Variants in CERS6 observed in about 807,000 individuals in gnomAD.
CERS6 encodes LAG1 homolog, ceramide synthase 6.
Under a neutral mutation model 56.8 loss-of-function variants are expected in CERS6, and 26 were observed. The observed-to-expected ratio is 0.46, with a 90% CI of 0.34 to 0.63. The LOEUF (loss-of-function observed/expected upper bound fraction) is 0.63, where lower values mean the gene tolerates loss of function less well. CERS6 is among the 30% of genes least tolerant of loss of function. CERS6 has a pLI of 0.01. For synonymous variants in CERS6, 164 were observed against 173.3 expected, an observed-to-expected ratio of 0.95 and a Z score of 0.42; for missense variants, 415 against 467.5, an observed-to-expected ratio of 0.89 and a Z score of 1.04.
At chr2:168,488,859 T>G (rs1694319433) in intron 1 of CERS6, among the ~76,000 whole-genome samples, 1 of 152,180 alleles carries the variant, frequency 6.6e-6, no homozygotes, top group Non-Finnish European at 1.5e-5. Context: ...CACTTACCTG[T>G]AGGTTATAAT....
intron 4 of CERS6, among the ~76,000 whole-genome samples, chr2:168,663,159 C>T (rs2105330579): frequency 1.3e-5 from 2 of 152,272 alleles, no homozygotes; most frequent in South Asian, 4.1e-4. Context: ...ACTGATTTTT[C>T]ATTCTTGTTT....
chr2:168,508,759 T>G (rs1044962535), intron 1 of CERS6, among the ~76,000 whole-genome samples: 1 of 152,058 alleles, frequency 6.6e-6, no homozygotes, highest in South Asian at 2.1e-4. Context: ...ATACCTAATG[T>G]AGATGATGGG....
intron 1 of CERS6, among the ~76,000 whole-genome samples, chr2:168,535,672 T>TTG (rs1695249896): frequency 6.8e-6 from 1 of 148,088 alleles, no homozygotes; most frequent in East Asian, 1.9e-4. Flanking sequence ...GATACCAGTT[T>TTG]TTTTTTTTTT....
chr2:168,555,722 CTGTGTG>C (rs58781728), intron 2 of CERS6, among the ~76,000 whole-genome samples: 4,595 of 140,940 alleles, frequency 0.033, 87 homozygotes, highest in East Asian at 0.062. Flanking sequence ...ATAATTGACT[CTGTGTG>C]TGTGTGTGTG....
At chr2:168,605,261 T>G (rs1443433301) in intron 3 of CERS6, among the ~76,000 whole-genome samples, 2 of 152,170 alleles carry the variant, frequency 1.3e-5, no homozygotes, top group African/African-American at 4.8e-5. Flanking sequence ...CTGTGGAACT[T>G]TGAACTTGAG....
intron 4 of CERS6, among the ~76,000 whole-genome samples, chr2:168,652,924 T>A (rs993144903): frequency 6.6e-6 from 1 of 152,214 alleles, no homozygotes; most frequent in African/African-American, 2.4e-5. Context: ...AGGATACCCA[T>A]TTTAATTCTG....
intron 6 of CERS6, among the ~76,000 whole-genome samples, chr2:168,707,269 A>T (rs148031158): frequency 6.4e-4 from 97 of 152,342 alleles, no homozygotes; most frequent in African/African-American, 2.3e-3. Context: ...GTATACATTT[A>T]GTCCAAAGGG....
chr2:168,716,834 A>T (rs1437054386), intron 7 of CERS6, among the ~76,000 whole-genome samples: 1 of 152,150 alleles, frequency 6.6e-6, no homozygotes, highest in Non-Finnish European at 1.5e-5. Flanking sequence ...TTAGGAATAC[A>T]TTCCTCTCAT....
intron 2 of CERS6, among the ~76,000 whole-genome samples, chr2:168,553,958 A>G (rs1695630068): frequency 6.6e-6 from 1 of 152,176 alleles, no homozygotes; most frequent in Admixed American, 6.5e-5. Flanking sequence ...AAGTATACGC[A>G]TATTTAATAG....
chr2:168,490,415 T>C (rs1025647027), intron 1 of CERS6, among the ~76,000 whole-genome samples: 3 of 152,062 alleles, frequency 2.0e-5, no homozygotes, highest in Non-Finnish European at 2.9e-5. Flanking sequence ...TGGGTCCTGC[T>C]CCAGGACATA....
intron 3 of CERS6, among the ~76,000 whole-genome samples, chr2:168,581,941 G>T (rs1683423144): frequency 6.6e-6 from 1 of 152,160 alleles, no homozygotes; most frequent in Non-Finnish European, 1.5e-5. Flanking sequence ...CCCCAGCCCA[G>T]GATCACCCCA....
rs572980508 is a variant in CERS6, at chr2:168,480,257, A to G, written c.170+23639A>G. ...GTAAAAGTATAGGGAGTCTTCCCCA[A>G]TGTCTTTGCCTTAGCATACGTAATT... is the stretch of plus-strand genomic sequence containing the variant. On this transcript the variant is annotated intron_variant, in intron 1 of 9. Coordinates refer to ENST00000305747, the MANE Select transcript of CERS6 (RefSeq NM_203463.3). 6.6e-5 allele frequency among the ~76,000 whole-genome samples: 10 copies of G among 152,348 alleles called. No individual in the cohort carries two copies. The South Asian group carries it at 8.3e-4, about 13-fold the overall frequency.
intron 1 of CERS6, among the ~76,000 whole-genome samples, chr2:168,512,462 G>C (rs962241465): frequency 1.3e-5 from 2 of 151,728 alleles, no homozygotes; most frequent in African/African-American, 2.4e-5. Flanking sequence ...TGTATATCCT[G>C]AGATTTTTCT....
intron 4 of CERS6, among the ~76,000 whole-genome samples, chr2:168,673,715 T>A (rs951569445): frequency 6.6e-6 from 1 of 152,194 alleles, no homozygotes. Context: ...TTTTCAGTAA[T>A]TGCAGGGATT....
intron 4 of CERS6, among the ~76,000 whole-genome samples, chr2:168,649,825 G>C (rs934880244): frequency 6.6e-6 from 1 of 151,128 alleles, no homozygotes. Flanking sequence ...TTTCCCCCTC[G>C]TAGAGGACTC....
chr2:168,693,116 A>G (rs2105363537), intron 5 of CERS6, among the ~76,000 whole-genome samples: 1 of 152,286 alleles, frequency 6.6e-6, no homozygotes, highest in Middle Eastern at 3.4e-3. Context: ...TGAACCTTGT[A>G]CAGCTTGGTA....
rs1021223778 is a variant in CERS6 at position 168,474,135 on chromosome 2, C to T, written c.170+17517C>T. Among the ~76,000 whole-genome samples, 14 of 152,108 alleles carry T rather than the reference C, an allele frequency of 9.2e-5. No individual in the cohort carries two copies. The East Asian group carries it at 2.5e-3, about 27-fold the overall frequency. Reference sequence around the variant, plus strand: ...CTGAAACTTATTTGTCTTTTTTCCACGTAAGGCCATGTCTTGGGGATTTTC... The same window carrying T: ...CTGAAACTTATTTGTCTTTTTTCCATGTAAGGCCATGTCTTGGGGATTTTC... On this transcript the variant is annotated intron_variant, in intron 1 of 9. Transcript: ENST00000305747.
intron 4 of CERS6, among the ~76,000 whole-genome samples, chr2:168,650,394 C>G (rs984509120): frequency 1.3e-5 from 2 of 152,170 alleles, no homozygotes. Context: ...ATTGACAGAG[C>G]TTGGGAATTT....
chr2:168,733,126 A>G (rs745958432), intron 8 of CERS6, among the ~76,000 whole-genome samples: 4 of 152,196 alleles, frequency 2.6e-5, no homozygotes, highest in Non-Finnish European at 4.4e-5. Context: ...AAAAGGAATA[A>G]AATGGAACAT....
Sources: gnomAD v4.1 joint callset for allele counts (sites outside exome capture counted in the v4.1 genomes callset) on GRCh38, gnomAD v4.1.1 for gene constraint, MANE v1.5 for transcripts, NCBI Gene and HGNC (gene_info 2026-07-23, HGNC 2026-07-21) for gene names.